Variants in BRINP2 observed in about 807,000 individuals in gnomAD.
BRINP2 encodes the protein BMP/retinoic acid-inducible neural-specific protein 2.
A neutral mutation model predicts 69.2 loss-of-function variants in BRINP2; 21 were observed. That is an observed-to-expected ratio of 0.30 (90% CI 0.22 to 0.44). The LOEUF (loss-of-function observed/expected upper bound fraction) is 0.44, where lower values mean the gene tolerates loss of function less well. BRINP2 is among the 20% of genes least tolerant of loss of function. BRINP2 has a pLI of 1.00. For synonymous variants in BRINP2, 380 were observed against 394.1 expected, an observed-to-expected ratio of 0.96 and a Z score of 0.42; for missense variants, 877 against 986.0, an observed-to-expected ratio of 0.89 and a Z score of 1.48.
intron 1 of BRINP2, among the ~76,000 whole-genome samples, chr1:177,191,185 G>A (rs1285355592): frequency 1.3e-5 from 2 of 152,178 alleles, no homozygotes; most frequent in Admixed American, 6.5e-5. Flanking sequence ...TGTTCTAACT[G>A]AATAAGTGGT....
intron 1 of BRINP2, among the ~76,000 whole-genome samples, chr1:177,172,112 C>T (rs577421952): frequency 4.6e-5 from 7 of 152,304 alleles, no homozygotes; most frequent in South Asian, 2.1e-4. Context: ...GCCCAGCTGA[C>T]GCTGGGAGGT....
chr1:177,257,603 C>G (rs1650812735), intron 4 of BRINP2, among the ~76,000 whole-genome samples: 1 of 152,202 alleles, frequency 6.6e-6, no homozygotes, highest in South Asian at 2.1e-4. Flanking sequence ...ACAGCAGAGG[C>G]ACGTCTGTGA....
intron 1 of BRINP2, among the ~76,000 whole-genome samples, chr1:177,227,699 T>A (rs1649739288): frequency 6.6e-6 from 1 of 152,172 alleles, no homozygotes; most frequent in South Asian, 2.1e-4. Context: ...TATTTAACTT[T>A]TTATTCCAAC....
At chr1:177,205,708 A>G (rs1479067746) in intron 1 of BRINP2, among the ~76,000 whole-genome samples, 1 of 152,198 alleles carries the variant, frequency 6.6e-6, no homozygotes, top group Non-Finnish European at 1.5e-5. Flanking sequence ...TAGCTGGAAA[A>G]GAGAAAGAAG....
In BRINP2 at chr1:177,185,238, T is replaced by C. The variant is rs556668161; in HGVS notation, c.-77+13506T>C. 9.1e-4 allele frequency among the ~76,000 whole-genome samples: 138 copies of C among 152,300 alleles called. 2 individuals are homozygous for C. The highest frequency in any genetic ancestry group is 7.7e-4 in the East Asian group (4 of 5,178). ...CACTCGGAGGTTCACAATGCACTTA[T>C]CACATTAGACCGGTCTGGAAAGGTC... On this transcript the variant is annotated intron_variant, in intron 1 of 7. Transcript: ENST00000361539.
chr1:177,238,085 T>C (rs1650085046), intron 2 of BRINP2, among the ~76,000 whole-genome samples: 1 of 152,202 alleles, frequency 6.6e-6, no homozygotes, highest in Non-Finnish European at 1.5e-5. Context: ...AGGATTTGTA[T>C]GTGTTGGCCA....
intron 1 of BRINP2, among the ~76,000 whole-genome samples, chr1:177,214,208 G>A (rs1007510170): frequency 6.6e-6 from 1 of 152,124 alleles, no homozygotes; most frequent in Non-Finnish European, 1.5e-5. Context: ...GAGGTGGGTG[G>A]ATCATCTGAG....
rs755506490 is a variant in BRINP2 at position 177,281,447 on chromosome 1, C to T, written c.2271C>T (p.Gly757=). Residue 757 remains glycine, a synonymous_variant, in exon 8 of 8, where the codon GGC becomes GGT. Transcript: ENST00000361539. ...HRLKLANNEV[G]RIQSSLRAFN... is the part of the protein sequence containing the mutation. ...TTAAGCTGGCCAACAATGAGGTGGG[C>T]AGGATCCAGTCCTCCCTGAGGGCTT... 6.2e-7 allele frequency: 1 copy of T among 1,613,962 alleles called. No homozygotes were observed. Among genetic ancestry groups the T allele is most frequent in the Admixed American group, 1.7e-5 (1 of 60,020 alleles).
chr1:177,217,269 C>T (rs2102315323), intron 1 of BRINP2, among the ~76,000 whole-genome samples: 1 of 152,086 alleles, frequency 6.6e-6, no homozygotes, highest in East Asian at 1.9e-4. Context: ...GATTTCTCAG[C>T]TTGATAAAGT....
chr1:177,225,440 C>A (rs1317069039), intron 1 of BRINP2, among the ~76,000 whole-genome samples: 2 of 152,178 alleles, frequency 1.3e-5, no homozygotes, highest in African/African-American at 4.8e-5. Flanking sequence ...ACTCACTTAG[C>A]CATTACTTTA....
intron 1 of BRINP2, among the ~76,000 whole-genome samples, chr1:177,209,844 T>C (rs986873579): frequency 6.6e-6 from 1 of 152,188 alleles, no homozygotes; most frequent in Non-Finnish European, 1.5e-5. Context: ...TTTATGATTA[T>C]AAAAATAATT....
intron 1 of BRINP2, among the ~76,000 whole-genome samples, chr1:177,184,211 C>A (rs987741348): frequency 1.3e-5 from 2 of 152,156 alleles, no homozygotes; most frequent in African/African-American, 2.4e-5. Context: ...TAGGACTCAG[C>A]AATTTGACAT....
chr1:177,185,782 T>C (rs1648408842), intron 1 of BRINP2, among the ~76,000 whole-genome samples: 1 of 152,164 alleles, frequency 6.6e-6, no homozygotes, highest in Non-Finnish European at 1.5e-5. Flanking sequence ...CCAAGCAGTG[T>C]GCCTTGAGAG....
intron 2 of BRINP2, among the ~76,000 whole-genome samples, chr1:177,252,307 C>G (rs982451798): frequency 2.0e-5 from 3 of 152,130 alleles, no homozygotes; most frequent in Non-Finnish European, 4.4e-5. Flanking sequence ...ATTAGTCACC[C>G]GCTTTTCTTT....
chr1:177,202,892 G>C (rs1174502439), intron 1 of BRINP2, among the ~76,000 whole-genome samples: 1 of 152,178 alleles, frequency 6.6e-6, no homozygotes, highest in Non-Finnish European at 1.5e-5. Context: ...CTGTAAACTA[G>C]TTCAACCATT....
rs528398079 is a variant in BRINP2, at chr1:177,227,247, G to A, written c.-76-2554G>A. On this transcript the variant is annotated intron_variant, in intron 1 of 7. Coordinates refer to ENST00000361539, the MANE Select transcript of BRINP2 (RefSeq NM_021165.4). ...CCAGTGTCTTCCCACCCGCATCCAC[G>A]CATTTCCACCTTGCTGTGTTGGCTG... 9.3e-4 allele frequency among the ~76,000 whole-genome samples: 142 copies of A among 152,280 alleles called. 1 individual carries two copies. Among genetic ancestry groups the A allele is most frequent in the Middle Eastern group, 3.4e-3 (1 of 294 alleles).
intron 1 of BRINP2, among the ~76,000 whole-genome samples, chr1:177,205,263 C>T (rs1649039667): frequency 6.6e-6 from 1 of 152,078 alleles, no homozygotes; most frequent in Admixed American, 6.6e-5. Flanking sequence ...GCCTCAGCCT[C>T]CTAAGGAGTT....
At chr1:177,215,263 C>G (rs765098780) in intron 1 of BRINP2, among the ~76,000 whole-genome samples, 19 of 152,100 alleles carry the variant, frequency 1.2e-4, no homozygotes, top group Admixed American at 3.3e-4. Flanking sequence ...CAATCATATT[C>G]CATTGTTTTT....
chr1:177,249,543 T>A (rs1558176631), intron 2 of BRINP2, among the ~76,000 whole-genome samples: 1 of 152,166 alleles, frequency 6.6e-6, no homozygotes, highest in Non-Finnish European at 1.5e-5. Flanking sequence ...ACAAACACAG[T>A]GGGAGAAGAT....
Sources: allele counts gnomAD v4.1 joint callset (sites outside exome capture counted in the v4.1 genomes callset), GRCh38; gene constraint gnomAD v4.1.1; transcripts MANE v1.5; gene names NCBI Gene and HGNC (gene_info 2026-07-23, HGNC 2026-07-21).